The following VEPH1 variants were observed in gnomAD, a reference collection of about 807,000 sequenced individuals.
VEPH1 encodes ventricular zone expressed PH domain containing 1.
Under a neutral mutation model 85.2 loss-of-function variants are expected in VEPH1, and 80 were observed. The ratio of observed to expected loss-of-function variants is 0.94; its 90% CI spans 0.78 to 1.13. The LOEUF is 1.13. VEPH1 is among the 50% of genes most tolerant of loss of function. The pLI, the probability that VEPH1 is intolerant of heterozygous loss-of-function variation, is 0.00. For missense variants in VEPH1, 955 were observed against 980.5 expected, an observed-to-expected ratio of 0.97 and a Z score of 0.35; for synonymous variants, 297 against 348.0, an observed-to-expected ratio of 0.85 and a Z score of 1.63.
intron 9 of VEPH1, among the ~76,000 whole-genome samples, chr3:157,336,898 C>A (rs2108627197): frequency 6.6e-6 from 1 of 152,298 alleles, no homozygotes; most frequent in East Asian, 1.9e-4. Context: ...ACAGAGACCA[C>A]ACAAACTGTC....
At chr3:157,365,933 G>T (rs950387284) in intron 7 of VEPH1, among the ~76,000 whole-genome samples, 7 of 152,106 alleles carry the variant, frequency 4.6e-5, no homozygotes, top group African/African-American at 1.7e-4. Context: ...CGGTTAACTC[G>T]ATCTTCAGCC....
chr3:157,397,785 A>C (rs1460832278), intron 6 of VEPH1, among the ~76,000 whole-genome samples: 1 of 152,204 alleles, frequency 6.6e-6, no homozygotes, highest in Non-Finnish European at 1.5e-5. Flanking sequence ...TCATCCAGCC[A>C]AACCATTGGC....
intron 7 of VEPH1, among the ~76,000 whole-genome samples, chr3:157,366,423 A>C (rs1726700989): frequency 6.6e-6 from 1 of 151,338 alleles, no homozygotes; most frequent in African/African-American, 2.4e-5. Context: ...CCTTAAAAAA[A>C]CAAGAAAGAA....
intron 9 of VEPH1, among the ~76,000 whole-genome samples, chr3:157,348,575 A>G (rs1309988868): frequency 2.0e-5 from 3 of 152,162 alleles, no homozygotes; most frequent in African/African-American, 7.2e-5. Context: ...TGTTCAGATC[A>G]TTTCCCCATT....
intron 9 of VEPH1, among the ~76,000 whole-genome samples, chr3:157,345,492 A>G (rs1043887297): frequency 1.3e-5 from 2 of 152,224 alleles, no homozygotes; most frequent in East Asian, 3.8e-4. Context: ...ATCATCTCAC[A>G]CCAGTTAGAA....
intron 11 of VEPH1, among the ~76,000 whole-genome samples, chr3:157,297,850 A>G (rs975499857): frequency 7.9e-5 from 12 of 152,196 alleles, no homozygotes; most frequent in African/African-American, 2.9e-4. Context: ...ATTAGTGAAG[A>G]GACGGGAAAT....
intron 13 of VEPH1, among the ~76,000 whole-genome samples, chr3:157,263,837 C>T (rs1216224038): frequency 2.0e-5 from 3 of 152,172 alleles, no homozygotes; most frequent in Admixed American, 6.5e-5. Flanking sequence ...ATAATGAGTA[C>T]TCTAAAGATA....
chr3:157,481,221 G>A (rs1026486068), intron 2 of VEPH1, among the ~76,000 whole-genome samples: 4 of 151,776 alleles, frequency 2.6e-5, no homozygotes, highest in Admixed American at 2.0e-4. Context: ...CATAGTTCAC[G>A]AATATTTTCT....
chr3:157,371,880 C>T (rs913656563), intron 7 of VEPH1, among the ~76,000 whole-genome samples: 2 of 152,106 alleles, frequency 1.3e-5, no homozygotes, highest in Non-Finnish European at 2.9e-5. Flanking sequence ...ATTCCTGAGA[C>T]GACTGGGCAT....
rs148501340 is a variant in VEPH1, at chr3:157,272,598, C to T, written c.2129-6936G>A. 3.5e-4 allele frequency among the ~76,000 whole-genome samples: 52 copies of T among 150,120 alleles called. No homozygotes were observed. The South Asian group carries it at 0.011, about 31-fold the overall frequency. ...TCAGCCTCCCTAGTAGCTGGGACCA[C>T]AGGCACGTGTCACCACATCTGGCTG... On this transcript the variant is annotated intron_variant, in intron 12 of 13. Coordinates refer to ENST00000362010, the MANE Select transcript of VEPH1 (RefSeq NM_001167912.2).
intron 6 of VEPH1, among the ~76,000 whole-genome samples, chr3:157,402,983 G>A (rs1730885902): frequency 6.6e-6 from 1 of 152,050 alleles, no homozygotes; most frequent in African/African-American, 2.4e-5. Flanking sequence ...CCAGTACCAA[G>A]TTCCTAAGCC....
chr3:157,450,698 A>T (rs1292264691), intron 4 of VEPH1, among the ~76,000 whole-genome samples: 1 of 152,056 alleles, frequency 6.6e-6, no homozygotes, highest in Non-Finnish European at 1.5e-5. Flanking sequence ...AGAGGTACTG[A>T]ATTTTATGAG....
chr3:157,362,652 A>G (rs187568631), intron 9 of VEPH1, among the ~76,000 whole-genome samples: 2 of 152,320 alleles, frequency 1.3e-5, no homozygotes, highest in East Asian at 3.9e-4. Context: ...ACAGCATTCA[A>G]TAAATTACAT....
intron 2 of VEPH1, among the ~76,000 whole-genome samples, chr3:157,484,954 C>T (rs1738483423): frequency 6.6e-6 from 1 of 152,136 alleles, no homozygotes; most frequent in East Asian, 1.9e-4. Flanking sequence ...GTCCATTTCT[C>T]CTGCCCTCAA....
intron 2 of VEPH1, among the ~76,000 whole-genome samples, chr3:157,482,930 G>T (rs1268659876): frequency 6.6e-6 from 1 of 152,084 alleles, no homozygotes; most frequent in Non-Finnish European, 1.5e-5. Context: ...TATGTTTTCA[G>T]GGAGGAGAGA....
chr3:157,260,548 T>C lies in VEPH1; in HGVS notation c.*586A>G. 6.6e-6 allele frequency: 1 copy of C among 152,346 alleles called. No individual in the cohort carries two copies. Among genetic ancestry groups the C allele is most frequent in the Non-Finnish European group, 1.5e-5 (1 of 68,046 alleles). 9.4% of individuals were successfully genotyped at this position (152,346 alleles called of 1,614,324 possible). A position where few individuals can be genotyped will look rare whatever the true frequency, so the allele number is the denominator to read the frequency against. Reference sequence around the variant, plus strand: ...AATAAGTAATTCTGAAAGACAAGTATTTAATGACATAACTGGCTTGATTTG... The same window carrying C: ...AATAAGTAATTCTGAAAGACAAGTACTTAATGACATAACTGGCTTGATTTG... On this transcript the variant is annotated 3_prime_UTR_variant, in exon 14 of 14. Coordinates refer to ENST00000362010, the MANE Select transcript of VEPH1 (RefSeq NM_001167912.2).
chr3:157,312,271 T>C (rs1250098173), intron 11 of VEPH1, among the ~76,000 whole-genome samples: 3 of 152,238 alleles, frequency 2.0e-5, no homozygotes, highest in Non-Finnish European at 4.4e-5. Flanking sequence ...AAAATAAGAA[T>C]AATCAGAATA....
intron 9 of VEPH1, among the ~76,000 whole-genome samples, chr3:157,322,075 T>C (rs1721412332): frequency 6.6e-6 from 1 of 152,136 alleles, no homozygotes; most frequent in East Asian, 1.9e-4. Context: ...CCATCCTTCC[T>C]AGTTGAAACC....
chr3:157,317,707 G>A (rs753150091), intron 9 of VEPH1, among the ~76,000 whole-genome samples: 11 of 152,148 alleles, frequency 7.2e-5, no homozygotes, highest in Non-Finnish European at 1.2e-4. Context: ...AGGTCATCTC[G>A]CCTTGAAGGA....
Sources: gnomAD v4.1 joint callset for allele counts (sites outside exome capture counted in the v4.1 genomes callset) on GRCh38, gnomAD v4.1.1 for gene constraint, MANE v1.5 for transcripts, NCBI Gene and HGNC (gene_info 2026-07-23, HGNC 2026-07-21) for gene names.